Variants in CMIP observed in about 807,000 individuals in gnomAD.
CMIP encodes c-Maf inducing protein.
In CMIP, 13 loss-of-function variants were observed where a neutral mutation model predicts 97.3. The ratio of observed to expected loss-of-function variants is 0.13; its 90% CI spans 0.09 to 0.21. The LOEUF is 0.21. CMIP is among the 10% of genes least tolerant of loss of function. The pLI, the probability that CMIP is intolerant of heterozygous loss-of-function variation, is 1.00. For missense variants in CMIP, 847 were observed against 1,024.9 expected, an observed-to-expected ratio of 0.83 and a Z score of 2.37; for synonymous variants, 538 against 436.3, an observed-to-expected ratio of 1.23 and a Z score of -2.91.
chr16:81,613,158 C>A (rs1014721349), intron 2 of CMIP, among the ~76,000 whole-genome samples: 1 of 152,230 alleles, frequency 6.6e-6, no homozygotes, highest in Non-Finnish European at 1.5e-5. Flanking sequence ...TTGGCTCCAT[C>A]AGCCTCCACC....
chr16:81,509,433 G>T (rs1184367988), intron 1 of CMIP, among the ~76,000 whole-genome samples: 3 of 152,316 alleles, frequency 2.0e-5, no homozygotes, highest in South Asian at 2.1e-4. Flanking sequence ...TAGGCACTTG[G>T]GTTTGACATT....
chr16:81,693,169 A>G lies in CMIP; in HGVS notation c.1466A>G (p.His489Arg). 6.2e-7 allele frequency: 1 copy of G among 1,613,372 alleles called. No homozygotes were observed. Among genetic ancestry groups the G allele is most frequent in the Non-Finnish European group, 8.5e-7 (1 of 1,179,434 alleles). The change falls in exon 12 of 21, where the codon CAT becomes CGT. Residue 489 changes from histidine to arginine, a missense_variant. This residue lies in a region of CMIP where 266 missense variants were observed against 384.2 expected (regional missense o/e 0.69). Coordinates refer to ENST00000537098, the MANE Select transcript of CMIP (RefSeq NM_198390.3). Reference sequence around the variant, plus strand: ...TGTTTTTGTTGCAGAGCTCTCGCACATGAGAAGTTCACCAAGTGAGTGTCT... The same window carrying G: ...TGTTTTTGTTGCAGAGCTCTCGCACGTGAGAAGTTCACCAAGTGAGTGTCT... ...PIPFPKEALA[H>R]EKFTKELKYV... is the part of the protein sequence containing the mutation.
At chr16:81,688,426 C>G (rs571743205) in intron 10 of CMIP, among the ~76,000 whole-genome samples, 1 of 152,338 alleles carries the variant, frequency 6.6e-6, no homozygotes, top group African/African-American at 2.4e-5. Flanking sequence ...GCTCTGCTGT[C>G]ACAGAAGCCT....
At chr16:81,643,795 A>G (rs1208206941) in intron 3 of CMIP, among the ~76,000 whole-genome samples, 1 of 152,082 alleles carries the variant, frequency 6.6e-6, no homozygotes, top group Admixed American at 6.5e-5. Context: ...ATAAGTAAGT[A>G]AATAAATAAA....
chr16:81,658,948 C>T (rs771371186), intron 5 of CMIP, among the ~76,000 whole-genome samples: 3 of 152,218 alleles, frequency 2.0e-5, no homozygotes, highest in Admixed American at 6.5e-5. Flanking sequence ...ATGAGGTGAG[C>T]CCCAGGCCTT....
chr16:81,620,127 G>A (rs937938534), intron 2 of CMIP: 1 of 152,194 alleles, frequency 6.6e-6, no homozygotes, highest in Non-Finnish European at 1.5e-5. Flanking sequence ...AACATCCCTG[G>A]AAAATCAGGG....
intron 20 of CMIP, among the ~76,000 whole-genome samples, chr16:81,707,492 C>A (rs1036487181): frequency 4.6e-5 from 7 of 152,206 alleles, no homozygotes; most frequent in African/African-American, 1.7e-4. Context: ...AAAGCCCTCA[C>A]AGGTCACAGC....
At chr16:81,503,807 G>A (rs1332240585) in intron 1 of CMIP, among the ~76,000 whole-genome samples, 1 of 152,208 alleles carries the variant, frequency 6.6e-6, no homozygotes, top group East Asian at 1.9e-4. Context: ...GAACCCCATG[G>A]CACCCCTCCA....
intron 1 of CMIP, chr16:81,518,459 G>A (rs376918233): frequency 2.6e-5 from 4 of 152,310 alleles, no homozygotes; most frequent in African/African-American, 9.6e-5. Context: ...AGTCCCTGCA[G>A]GGGTCCAGGC....
chr16:81,633,444 G>A (rs2092192202), intron 3 of CMIP, among the ~76,000 whole-genome samples: 1 of 152,226 alleles, frequency 6.6e-6, no homozygotes, highest in Non-Finnish European at 1.5e-5. Flanking sequence ...TCCCCACAGA[G>A]GAATTAGGCC....
intron 9 of CMIP, among the ~76,000 whole-genome samples, chr16:81,673,389 A>G (rs545479864): frequency 6.6e-6 from 1 of 152,276 alleles, no homozygotes; most frequent in African/African-American, 2.4e-5. Context: ...ATGGTGGTAC[A>G]TGACTGTACT....
chr16:81,504,640 T>G (rs1479684983), intron 1 of CMIP, among the ~76,000 whole-genome samples: 3 of 12,138 alleles, frequency 2.5e-4, no homozygotes, highest in Admixed American at 1.6e-3. Flanking sequence ...GAGACTCGTC[T>G]CAAAAAAAAA....
At chr16:81,599,948 G>A (rs2091629695) in intron 1 of CMIP, among the ~76,000 whole-genome samples, 1 of 152,120 alleles carries the variant, frequency 6.6e-6, no homozygotes, top group Non-Finnish European at 1.5e-5. Flanking sequence ...AGTGAGGCTA[G>A]CGTCTGCATA....
At chr16:81,704,222 C>CCTCCTCCCTGCCCCCCTTACT in intron 18 of CMIP, 137 bp downstream of exon 18, 1 of 577,648 alleles carries the variant, frequency 1.7e-6, no homozygotes, top group Non-Finnish European at 3.0e-6. Context: ...GCCCCCTCCC[C>CCTCCTCCCTGCCCCCCTTACT]CTCCTCCCTG....
intron 1 of CMIP, among the ~76,000 whole-genome samples, chr16:81,599,865 G>A (rs2091627888): frequency 6.6e-6 from 1 of 152,170 alleles, no homozygotes; most frequent in African/African-American, 2.4e-5. Context: ...TCTTAGCATG[G>A]TGCTGGCCAC....
rs1441411964 is a variant in CMIP, at chr16:81,710,422, C to A, written c.*623C>A. 1 of 144,234 alleles carries A rather than the reference C, an allele frequency of 6.9e-6. No individual in the cohort carries two copies. Among genetic ancestry groups the A allele is most frequent in the African/African-American group, 2.7e-5 (1 of 37,690 alleles). The allele number at this position is 144,234 out of a possible 1,614,324, so 8.9% of individuals were successfully genotyped here. A position where few individuals can be genotyped will look rare whatever the true frequency, so the allele number is the denominator to read the frequency against. The stretch of plus-strand genomic sequence containing the variant: ...GTCTTTGACCGTCCCCCCCGCCCGA[C>A]CCCACCGCCCTCCCGCCCCCACCTG... On this transcript the variant is annotated 3_prime_UTR_variant, in exon 21 of 21. Transcript: ENST00000537098.
intron 10 of CMIP, among the ~76,000 whole-genome samples, chr16:81,690,935 T>C (rs1905989355): frequency 6.6e-6 from 1 of 151,856 alleles, no homozygotes; most frequent in Admixed American, 6.6e-5. Context: ...CAAATAATAA[T>C]AATAAATTTT....
chr16:81,526,009 TG>T (rs1555526458), intron 1 of CMIP, among the ~76,000 whole-genome samples: 1 of 2,586 alleles, frequency 3.9e-4, no homozygotes, highest in African/African-American at 6.5e-3. Flanking sequence ...TGTGTGTGTC[TG>T]TGTGTGTGTG....
intron 1 of CMIP, among the ~76,000 whole-genome samples, chr16:81,566,205 G>C (rs1597095604): frequency 6.6e-6 from 1 of 152,244 alleles, no homozygotes; most frequent in African/African-American, 2.4e-5. Context: ...GGCTGGATGA[G>C]TTGTGGCTTC....
Sources: gnomAD v4.1 joint callset for allele counts (sites outside exome capture counted in the v4.1 genomes callset) on GRCh38, gnomAD v4.1.1 for gene constraint, gnomAD v4.1.1 regional missense constraint, MANE v1.5 for transcripts, NCBI Gene and HGNC (gene_info 2026-07-23, HGNC 2026-07-21) for gene names.